Variants in RAB3IL1 observed in about 807,000 individuals in gnomAD.
The protein encoded by RAB3IL1 is guanine nucleotide exchange factor for Rab-3A.
Under a neutral mutation model 49.2 loss-of-function variants are expected in RAB3IL1, and 37 were observed. The ratio of observed to expected loss-of-function variants is 0.75; its 90% confidence interval spans 0.58 to 0.99. The LOEUF is 0.99. Among genes scored for constraint, RAB3IL1 ranks in the 50% least tolerant of loss-of-function variants. The pLI, the probability that RAB3IL1 is intolerant of heterozygous loss-of-function variation, is 0.00. For synonymous variants in RAB3IL1, 193 were observed against 213.9 expected, an observed-to-expected ratio of 0.90 and a Z score of 0.85; for missense variants, 484 against 513.0, an observed-to-expected ratio of 0.94 and a Z score of 0.55.
intron 9 of RAB3IL1, 86 bp downstream of exon 9, chr11:61,899,228 T>C: frequency 1.4e-6 from 2 of 1,426,334 alleles, no homozygotes; most frequent in East Asian, 2.4e-5. Flanking sequence ...TTGCCTCCAC[T>C]AGGGGCAGGT....
the RAB3IL1 span, chr11:61,945,872 G>T: frequency 2.1e-6 from 2 of 930,744 alleles, no homozygotes; most frequent in Non-Finnish European, 1.3e-6. Context: ...TCTATTCCAT[G>T]CTATTCCGTT....
the RAB3IL1 span, among the ~76,000 whole-genome samples, chr11:61,942,577 T>G: frequency 3.3e-5 from 5 of 152,158 alleles, no homozygotes; most frequent in Admixed American, 3.3e-4. Flanking sequence ...CCTGGCAAAT[T>G]ATGACATGAT....
intron 2 of RAB3IL1, 35 bp from the exon 3 acceptor site, chr11:61,907,695 G>A (rs1268287411): frequency 6.3e-7 from 1 of 1,595,394 alleles, no homozygotes; most frequent in East Asian, 2.2e-5. Context: ...GAGCACCTCA[G>A]CATCCCCAGG....
At chr11:61,940,577 A>G in the RAB3IL1 span, among the ~76,000 whole-genome samples, 1 of 152,198 alleles carries the variant, frequency 6.6e-6, no homozygotes, top group East Asian at 1.9e-4. Context: ...CCTTGAGCCC[A>G]AGAGTTCGAG....
chr11:61,902,010 C>G (rs973345539), intron 8 of RAB3IL1, among the ~76,000 whole-genome samples: 3 of 152,230 alleles, frequency 2.0e-5, no homozygotes, highest in African/African-American at 7.2e-5. Context: ...AGCCTGTACC[C>G]TGCTCTGTAA....
the RAB3IL1 span, among the ~76,000 whole-genome samples, chr11:61,927,437 G>T: frequency 6.6e-6 from 1 of 152,152 alleles, no homozygotes; most frequent in African/African-American, 2.4e-5. Context: ...GTGCAAAGTC[G>T]TCTGGGAGCA....
the RAB3IL1 span, among the ~76,000 whole-genome samples, chr11:61,929,055 A>G: frequency 6.6e-6 from 1 of 152,354 alleles, no homozygotes; most frequent in East Asian, 1.9e-4. Context: ...ATAGTTGTAC[A>G]TATTTGTGGG....
chr11:61,933,587 C>T, the RAB3IL1 span, among the ~76,000 whole-genome samples: 1 of 151,922 alleles, frequency 6.6e-6, no homozygotes, highest in African/African-American at 2.4e-5. Flanking sequence ...GATTTTGGAA[C>T]CAAGAGTGGA....
intron 1 of RAB3IL1, among the ~76,000 whole-genome samples, chr11:61,916,175 G>A (rs1011464930): frequency 1.3e-5 from 2 of 152,112 alleles, no homozygotes; most frequent in East Asian, 1.9e-4. Flanking sequence ...GTGAAACCCC[G>A]TCTCTACTAA....
chr11:61,902,833 C>G (rs1938989084), intron 7 of RAB3IL1, among the ~76,000 whole-genome samples: 1 of 152,202 alleles, frequency 6.6e-6, no homozygotes, highest in African/African-American at 2.4e-5. Flanking sequence ...GTCCCACCCT[C>G]TGCAGGCTCT....
At chr11:61,921,133 G>A (rs1415093295), upstream of RAB3IL1, among the ~76,000 whole-genome samples, 1 of 151,910 alleles carries the variant, frequency 6.6e-6, no homozygotes, top group Non-Finnish European at 1.5e-5. Context: ...TGAGCAGCTG[G>A]GACTCCAGGC....
chr11:61,919,273 C>T (rs1939832374), upstream of RAB3IL1, among the ~76,000 whole-genome samples: 1 of 152,154 alleles, frequency 6.6e-6, no homozygotes, highest in Admixed American at 6.5e-5. Flanking sequence ...GTCTGGTGGA[C>T]CGGGGAGGCC....
intron 1 of RAB3IL1, among the ~76,000 whole-genome samples, chr11:61,909,699 G>C (rs969558953): frequency 2.6e-5 from 4 of 152,254 alleles, no homozygotes; most frequent in Admixed American, 1.3e-4. Flanking sequence ...TTGTTGGCAA[G>C]GGTTCCCCGC....
the RAB3IL1 span, among the ~76,000 whole-genome samples, chr11:61,927,353 A>T: frequency 6.6e-6 from 1 of 152,070 alleles, no homozygotes; most frequent in African/African-American, 2.4e-5. Flanking sequence ...AATTGCCCAG[A>T]CTCAGGTATT....
upstream of RAB3IL1, chr11:61,920,160 G>A (rs555364354): frequency 1.4e-5 from 19 of 1,324,510 alleles, no homozygotes; most frequent in African/African-American, 1.5e-5. Context: ...TCCCTCGGGC[G>A]GGGCACCCAG....
At chr11:61,924,105 C>T (rs970340778), upstream of RAB3IL1, among the ~76,000 whole-genome samples, 3 of 152,230 alleles carry the variant, frequency 2.0e-5, no homozygotes, top group African/African-American at 7.2e-5. Flanking sequence ...CTAAGATTCA[C>T]AACAGACCTC....
chr11:61,926,168 A>G, the RAB3IL1 span, among the ~76,000 whole-genome samples: 695 of 151,212 alleles, frequency 4.6e-3, 6 homozygotes, highest in Middle Eastern at 0.024. Flanking sequence ...AAATATTCCC[A>G]GGCAATGGCA....
At chr11:61,913,833 C>T (rs910301474) in intron 1 of RAB3IL1, among the ~76,000 whole-genome samples, 1 of 152,178 alleles carries the variant, frequency 6.6e-6, no homozygotes, top group Non-Finnish European at 1.5e-5. Flanking sequence ...ATCTCCCTCC[C>T]GCTACCTCAT....
chr11:61,926,104 C>CAAAAAAAAAAAAAAAAAAAAAAAAA, the RAB3IL1 span, among the ~76,000 whole-genome samples: 1 of 64,062 alleles, frequency 1.6e-5, no homozygotes, highest in African/African-American at 6.0e-5. Flanking sequence ...TCCTTCCTGC[C>CAAAAAAAAAAAAAAAAAAAAAAAAA]AAAAAAAAAA....
Sources: gnomAD v4.1 joint callset for allele counts (sites outside exome capture counted in the v4.1 genomes callset) on GRCh38, gnomAD v4.1.1 for gene constraint, MANE v1.5 for transcripts, NCBI Gene and HGNC (gene_info 2026-07-23, HGNC 2026-07-21) for gene names.